BLTP3B: variants seen among roughly 807,000 people sequenced by gnomAD.
BLTP3B encodes UHRF1 (ICBP90) binding protein 1-like.
chr12:100,131,092 C>T, the BLTP3B span, among the ~76,000 whole-genome samples: 2 of 147,336 alleles, frequency 1.4e-5, no homozygotes, highest in East Asian at 4.3e-4. Flanking sequence ...GAAGTTTATT[C>T]CCAAATACAA....
chr12:100,110,404 G>A, the BLTP3B span, among the ~76,000 whole-genome samples: 4 of 152,044 alleles, frequency 2.6e-5, no homozygotes, highest in Admixed American at 6.6e-5. Context: ...ATACCACGAC[G>A]CTTTCTCATA....
the BLTP3B span, chr12:100,098,238 A>C: frequency 8.6e-7 from 1 of 1,168,504 alleles, no homozygotes; most frequent in Non-Finnish European, 1.2e-6. Context: ...CCCCAAAAAA[A>C]GTAATACAGA....
chr12:100,142,419 G>A, the BLTP3B span, among the ~76,000 whole-genome samples: 1 of 152,168 alleles, frequency 6.6e-6, no homozygotes, highest in Non-Finnish European at 1.5e-5. Context: ...AGCCCCCGGC[G>A]CCGCCGGCGA....
the BLTP3B span, chr12:100,128,837 A>AG: frequency 2.1e-6 from 2 of 961,110 alleles, no homozygotes; most frequent in Non-Finnish European, 2.6e-6. Flanking sequence ...GAAAAAAAAA[A>AG]CAGTTGCATT....
At chr12:100,098,239 G>A in the BLTP3B span, 3 of 1,187,236 alleles carry the variant, frequency 2.5e-6, no homozygotes, top group East Asian at 2.5e-5. Context: ...CCCAAAAAAA[G>A]TAATACAGAG....
chr12:100,142,596 A>G, the BLTP3B span: 2 of 1,609,362 alleles, frequency 1.2e-6, no homozygotes, highest in African/African-American at 1.3e-5. Flanking sequence ...ACTGACCTGG[A>G]GAGGTGCTTC....
At chr12:100,067,502 G>T in the BLTP3B span, among the ~76,000 whole-genome samples, 1 of 152,050 alleles carries the variant, frequency 6.6e-6, no homozygotes, top group Non-Finnish European at 1.5e-5. Context: ...CAAAACAGGA[G>T]ATACTACAAC....
chr12:100,038,731 A>C, the BLTP3B span, among the ~76,000 whole-genome samples: 1 of 152,210 alleles, frequency 6.6e-6, no homozygotes, highest in Admixed American at 6.5e-5. Flanking sequence ...CCTCATAATT[A>C]GGAATGGCTA....
chr12:100,039,626 A>C, the BLTP3B span: 1 of 1,613,656 alleles, frequency 6.2e-7, no homozygotes, highest in Non-Finnish European at 8.5e-7. Flanking sequence ...AGGAGAACTC[A>C]GGAAAGTTAG....
the BLTP3B span, chr12:100,142,561 G>T: frequency 8.7e-6 from 14 of 1,602,812 alleles, no homozygotes; most frequent in African/African-American, 1.4e-4. Flanking sequence ...GGTGGAGGCC[G>T]ACTGGCGCCG....
the BLTP3B span, among the ~76,000 whole-genome samples, chr12:100,040,635 G>A: frequency 1.3e-5 from 2 of 152,148 alleles, no homozygotes; most frequent in East Asian, 1.9e-4. Flanking sequence ...GCAGTGAGCT[G>A]AGATCTCACC....
chr12:100,088,882 C>T, the BLTP3B span: 25 of 1,468,084 alleles, frequency 1.7e-5, no homozygotes, highest in East Asian at 5.8e-4. Flanking sequence ...TCTAGAAAAA[C>T]CAAAATAGTT....
At chr12:100,049,693 AG>A in the BLTP3B span, among the ~76,000 whole-genome samples, 18 of 152,190 alleles carry the variant, frequency 1.2e-4, no homozygotes, top group African/African-American at 4.3e-4. Flanking sequence ...TTAAAATAGA[AG>A]GTAAAAGAAA....
the BLTP3B span, among the ~76,000 whole-genome samples, chr12:100,101,270 G>C: frequency 6.6e-6 from 1 of 152,132 alleles, no homozygotes; most frequent in Non-Finnish European, 1.5e-5. Flanking sequence ...TCAACTCTTA[G>C]AAGTGGAACG....
chr12:100,076,952 C>T, the BLTP3B span, among the ~76,000 whole-genome samples: 4 of 152,012 alleles, frequency 2.6e-5, no homozygotes, highest in African/African-American at 4.8e-5. Flanking sequence ...GGTGTGGTTG[C>T]GTATATATAT....
At chr12:100,063,299 C>G in the BLTP3B span, among the ~76,000 whole-genome samples, 1 of 152,206 alleles carries the variant, frequency 6.6e-6, no homozygotes, top group Admixed American at 6.5e-5. Context: ...GAACTCTGTG[C>G]AGACAACCCC....
At chr12:100,104,102 A>C in the BLTP3B span, 1 of 483,514 alleles carries the variant, frequency 2.1e-6, no homozygotes, top group Non-Finnish European at 3.5e-6. Context: ...TAAGCAACTC[A>C]CTCATACTTT....
chr12:100,082,052 C>A, the BLTP3B span, among the ~76,000 whole-genome samples: 1 of 152,244 alleles, frequency 6.6e-6, no homozygotes, highest in East Asian at 1.9e-4. Context: ...ATTCCCTTTT[C>A]TCCACAACCT....
the BLTP3B span, among the ~76,000 whole-genome samples, chr12:100,097,867 A>T: frequency 1.3e-5 from 2 of 152,194 alleles, no homozygotes; most frequent in African/African-American, 4.8e-5. Context: ...AAATGGAAAG[A>T]TTTACTAGAG....
Sources: allele counts gnomAD v4.1 joint callset (sites outside exome capture counted in the v4.1 genomes callset), GRCh38; gene constraint gnomAD v4.1.1; transcripts MANE v1.5; gene names NCBI Gene and HGNC (gene_info 2026-07-23, HGNC 2026-07-21).